The following CDC123 variants were observed in gnomAD, a reference collection of about 807,000 sequenced individuals.
CDC123 encodes translation initiation factor eIF2 assembly protein.
A neutral mutation model predicts 54.4 loss-of-function variants in CDC123; 37 were observed. The observed-to-expected ratio is 0.68, with a 90% CI of 0.52 to 0.89. The LOEUF (loss-of-function observed/expected upper bound fraction) is 0.89, where lower values mean the gene tolerates loss of function less well. Among genes scored for constraint, CDC123 ranks in the 40% least tolerant of loss-of-function variants. The pLI is 0.00. For missense variants in CDC123, 361 were observed against 412.1 expected, an observed-to-expected ratio of 0.88 and a Z score of 1.07; for synonymous variants, 144 against 136.8, an observed-to-expected ratio of 1.05 and a Z score of -0.37.
chr10:12,242,348 C>T (rs531563755), intron 10 of CDC123, among the ~76,000 whole-genome samples: 11 of 152,296 alleles, frequency 7.2e-5, no homozygotes, highest in Admixed American at 3.9e-4. Context: ...TCACAGTTCC[C>T]TGTTCTTGCC....
At chr10:12,218,121 C>G (rs12256462) in intron 6 of CDC123, among the ~76,000 whole-genome samples, 7,068 of 151,950 alleles carry the variant, frequency 0.047, 540 homozygotes, top group African/African-American at 0.16. Flanking sequence ...CACTCATGAT[C>G]TTGCCACAAT....
intron 2 of CDC123, among the ~76,000 whole-genome samples, chr10:12,206,706 C>T (rs1313083042): frequency 6.6e-6 from 1 of 152,110 alleles, no homozygotes; most frequent in African/African-American, 2.4e-5. Flanking sequence ...TGCCTGTAAT[C>T]CCAGTGCTTT....
chr10:12,217,375 A>G lies in CDC123; in HGVS notation c.348A>G (p.Ile116Met), dbSNP rs1835676302. ...NWSAPRDAYW[I>M]AMNSSLKCKT... The stretch of plus-strand genomic sequence containing the variant: ...TCATTCTTTAGGATGCGTATTGGAT[A>G]GCAATGAATAGTTCTCTGAAATGTA... Residue 116 changes from isoleucine (I) to methionine (M), a missense_variant, in exon 6 of 13, where the codon ATA (isoleucine) becomes ATG (methionine). Physicochemically the swap from Ile to Met is conservative, Grantham distance 10 (BLOSUM62 1). Transcript: ENST00000281141. 6.2e-7 allele frequency: 1 copy of G among 1,613,204 alleles called. No individual in the cohort carries two copies. The highest frequency in any genetic ancestry group is 1.1e-5 in the South Asian group (1 of 90,850).
intron 2 of CDC123, among the ~76,000 whole-genome samples, chr10:12,209,217 T>G (rs1050712995): frequency 2.6e-5 from 4 of 152,188 alleles, no homozygotes; most frequent in African/African-American, 9.7e-5. Flanking sequence ...CATCTCTTCA[T>G]GCAACTGTAC....
chr10:12,237,373 T>C (rs951795056), intron 9 of CDC123, 107 bp downstream of exon 9: 1 of 849,762 alleles, frequency 1.2e-6, no homozygotes, highest in Non-Finnish European at 1.6e-6. Context: ...AATACTGTAT[T>C]GTAAGCATTT....
rs1588687086 is a variant in CDC123, at chr10:12,249,684, A to G, written c.950A>G (p.Glu317Gly). 1 of 1,613,802 alleles carries G rather than the reference A, an allele frequency of 6.2e-7. No individual in the cohort carries two copies. Among genetic ancestry groups the G allele is most frequent in the Non-Finnish European group, 8.5e-7 (1 of 1,179,946 alleles). Residue 317 changes from glutamate to glycine, a missense_variant, in exon 12 of 13, where the codon GAG (glutamate) becomes GGG (glycine). By Grantham distance (98) the Glu-to-Gly change is moderately conservative. Coordinates refer to ENST00000281141, the MANE Select transcript of CDC123 (RefSeq NM_006023.3). ...GACTTTGTAGACCTCTCTACTGGGGAGGACGCTCACAAGCTAATAGACTTC... is the reference window on the plus strand; with the variant it reads ...GACTTTGTAGACCTCTCTACTGGGGGGGACGCTCACAAGCTAATAGACTTC... The part of the protein sequence containing the change: ...PKDFVDLSTG[E>G]DAHKLIDFLK...
intron 1 of CDC123, among the ~76,000 whole-genome samples, chr10:12,197,751 C>CT (rs1259617309): frequency 1.3e-5 from 2 of 151,930 alleles, no homozygotes; most frequent in East Asian, 3.8e-4. Context: ...AGTTTTTGCT[C>CT]TGTCGCCCAA....
rs367858020 is a variant in CDC123, at chr10:12,228,906, G to A, written c.441-2042G>A. Among the ~76,000 whole-genome samples the A allele has an allele frequency of 1.1e-4, 16 of 152,092 alleles. No individual in the cohort carries two copies. The East Asian group carries it at 1.4e-3, about 13-fold the overall frequency. ...ATTTTTGTATTTTTTGTAGAGACAG[G>A]GTTTTGCCATGTTGCTCAGACTGGT... On this transcript the variant is annotated intron_variant, in intron 6 of 12. Coordinates refer to ENST00000281141, the MANE Select transcript of CDC123 (RefSeq NM_006023.3).
chr10:12,221,932 C>G (rs1361869936), intron 6 of CDC123, among the ~76,000 whole-genome samples: 1 of 152,184 alleles, frequency 6.6e-6, no homozygotes, highest in African/African-American at 2.4e-5. Context: ...GTTCTCGACA[C>G]AAGCATGCGT....
intron 6 of CDC123, among the ~76,000 whole-genome samples, chr10:12,225,300 CAGG>C (rs1835795356): frequency 6.6e-6 from 1 of 152,154 alleles, no homozygotes; most frequent in African/African-American, 2.4e-5. Context: ...GAGGCTGAGG[CAGG>C]AGAATTGCTT....
intron 2 of CDC123, among the ~76,000 whole-genome samples, chr10:12,206,589 A>G (rs992117441): frequency 6.6e-6 from 1 of 152,194 alleles, no homozygotes; most frequent in African/African-American, 2.4e-5. Context: ...AGGCGGTTCG[A>G]TTATCTGAGG....
chr10:12,197,445 T>C (rs754788631), intron 1 of CDC123, among the ~76,000 whole-genome samples: 4 of 151,674 alleles, frequency 2.6e-5, no homozygotes, highest in Admixed American at 2.0e-4. Flanking sequence ...GCAGCGATCT[T>C]GGCTCACTGC....
rs577288946 is a variant in CDC123, at chr10:12,196,394, C to CA, written c.74+82dup. The CA allele has an allele frequency of 2.0e-4, 316 of 1,591,920 alleles. No individual in the cohort carries two copies. In the African/African-American group the frequency reaches 3.1e-3, roughly 15 times the overall value. ...CTTCTGAGCGAATCTTACTGCTATC[C>CA]AAAAAAATGCAGGCCTTCTAGCGAC... On this transcript the variant is annotated intron_variant, in intron 1 of 12. Coordinates refer to ENST00000281141, the MANE Select transcript of CDC123 (RefSeq NM_006023.3).
At chr10:12,210,200 G>T in intron 3 of CDC123, 90 bp from the exon 4 acceptor site, 1 of 1,521,938 alleles carries the variant, frequency 6.6e-7, no homozygotes, top group South Asian at 1.2e-5. Flanking sequence ...TCTCCTGTTT[G>T]ATTTATAATT....
chr10:12,223,707 A>G (rs1045402341), intron 6 of CDC123, among the ~76,000 whole-genome samples: 3 of 152,184 alleles, frequency 2.0e-5, no homozygotes, highest in African/African-American at 7.2e-5. Flanking sequence ...GTCTTCTTTG[A>G]GCTGAGGATG....
rs148287641 is a variant in CDC123, at chr10:12,233,152, A to G, written c.490-1896A>G. ...TGCCGTTTTGAAAGACACCATTATCATGTATATAAGATTTAAAACCTAGTT... is the reference window on the plus strand; with the variant it reads ...TGCCGTTTTGAAAGACACCATTATCGTGTATATAAGATTTAAAACCTAGTT... On this transcript the variant is annotated intron_variant, in intron 7 of 12. Transcript: ENST00000281141. 2.2e-4 allele frequency among the ~76,000 whole-genome samples: 34 copies of G among 152,158 alleles called. No individual in the cohort carries two copies. The East Asian group carries it at 6.4e-3, about 28-fold the overall frequency.
rs774213124 is a variant in CDC123, at chr10:12,250,305, T to C, written c.985-6T>C. 1.3e-6 allele frequency: 2 copies of C among 1,578,034 alleles called. No homozygotes were observed. Among genetic ancestry groups the C allele is most frequent in the Non-Finnish European group, 1.7e-6 (2 of 1,153,864 alleles). Reference sequence around the variant, plus strand: ...ATTTTAACATCCCCTTGGTTTTCTTTGACAGAAGAGAAATCAGCAGGAGGA... The same window carrying C: ...ATTTTAACATCCCCTTGGTTTTCTTCGACAGAAGAGAAATCAGCAGGAGGA... On this transcript the variant is annotated splice_region_variant and splice_polypyrimidine_tract_variant and intron_variant, in intron 12 of 12. Transcript: ENST00000281141.
rs747119577 is a variant in CDC123, at chr10:12,230,962, C to T, written c.455C>T (p.Thr152Ile). The change falls in exon 7 of 13, where the codon ACT (threonine) becomes ATT (isoleucine). Residue 152 changes from threonine to isoleucine, a missense_variant. Coordinates refer to ENST00000281141, the MANE Select transcript of CDC123 (RefSeq NM_006023.3). ...RDFTQPFIHC[T>I]DDSPDPCIEY... ...TTCTTCCAAAGGTTTATTCATTGTA[C>T]TGATGATTCTCCAGATCCATGTATA... The T allele has an allele frequency of 3.7e-6, 6 of 1,611,432 alleles. No homozygotes were observed. The Admixed American group carries it at 1.0e-4, about 27-fold the overall frequency.
intron 6 of CDC123, among the ~76,000 whole-genome samples, chr10:12,226,753 G>T (rs1835823191): frequency 6.7e-6 from 1 of 149,316 alleles, no homozygotes; most frequent in South Asian, 2.1e-4. Flanking sequence ...CCGGGAAGAG[G>T]TGCTCCTCAC....
Sources: allele counts gnomAD v4.1 joint callset (sites outside exome capture counted in the v4.1 genomes callset), GRCh38; gene constraint gnomAD v4.1.1; transcripts MANE v1.5; gene names NCBI Gene and HGNC (gene_info 2026-07-23, HGNC 2026-07-21).